Variants in CDH18 observed in about 807,000 individuals in gnomAD.
The protein encoded by CDH18 is cadherin 18.
A neutral mutation model predicts 67.9 loss-of-function variants in CDH18; 31 were observed. The observed-to-expected ratio is 0.46, with a 90% CI of 0.34 to 0.62. The LOEUF (loss-of-function observed/expected upper bound fraction) is 0.62. Among genes scored for constraint, CDH18 ranks in the 20% least tolerant of loss-of-function variants. The pLI, the probability that CDH18 is intolerant of heterozygous loss-of-function variation, is 0.01. For synonymous variants in CDH18, 362 were observed against 347.2 expected (o/e 1.04, Z -0.48); for missense variants, 890 against 975.5 (o/e 0.91, Z 1.17).
intron 1 of CDH18, among the ~76,000 whole-genome samples, chr5:20,462,606 T>C (rs190776928): frequency 2.6e-4 from 40 of 152,318 alleles, no homozygotes; most frequent in Admixed American, 7.2e-4. Flanking sequence ...TCATTTTTTA[T>C]CCCATATATA....
At chr5:19,836,406 C>A (rs1174290316) in intron 3 of CDH18, among the ~76,000 whole-genome samples, 2 of 152,136 alleles carry the variant, frequency 1.3e-5, no homozygotes, top group Non-Finnish European at 1.5e-5. Flanking sequence ...ATTTGCATTT[C>A]TCTAATGTCC....
chr5:20,233,038 C>T (rs930390063), intron 2 of CDH18, among the ~76,000 whole-genome samples: 2 of 151,694 alleles, frequency 1.3e-5, no homozygotes, highest in African/African-American at 4.8e-5. Flanking sequence ...GTTAAAAATC[C>T]TGAAGTTAAT....
intron 2 of CDH18, among the ~76,000 whole-genome samples, chr5:20,174,988 T>C (rs1737119678): frequency 6.6e-6 from 1 of 152,304 alleles, no homozygotes; most frequent in African/African-American, 2.4e-5. Flanking sequence ...ATCTTTCTTT[T>C]ATCTACCGAA....
At chr5:20,303,605 G>A (rs1431666259) in intron 1 of CDH18, among the ~76,000 whole-genome samples, 6 of 152,066 alleles carry the variant, frequency 3.9e-5, no homozygotes, top group East Asian at 1.9e-4. Context: ...CTCACACGTC[G>A]GCTGAGCCCA....
chr5:20,248,850 T>C (rs1446641303), intron 2 of CDH18, among the ~76,000 whole-genome samples: 3 of 152,252 alleles, frequency 2.0e-5, no homozygotes, highest in Non-Finnish European at 2.9e-5. Flanking sequence ...ATCACACCTA[T>C]ATCACAGTGT....
At chr5:19,666,226 C>G (rs1296941476) in intron 5 of CDH18, among the ~76,000 whole-genome samples, 1 of 141,614 alleles carries the variant, frequency 7.1e-6, no homozygotes, top group East Asian at 2.1e-4. Flanking sequence ...TGTCCCCACG[C>G]CTGTATGATT....
intron 1 of CDH18, among the ~76,000 whole-genome samples, chr5:20,386,749 T>A (rs1744343542): frequency 6.6e-6 from 1 of 152,036 alleles, no homozygotes; most frequent in Non-Finnish European, 1.5e-5. Flanking sequence ...CTCATATGAG[T>A]CTTCTTTTCA....
chr5:20,009,131 C>T (rs780278474), intron 2 of CDH18, among the ~76,000 whole-genome samples: 10 of 151,980 alleles, frequency 6.6e-5, no homozygotes, highest in African/African-American at 7.2e-5. Flanking sequence ...GTATACAGGA[C>T]GAAGGACAAA....
At chr5:19,843,680 CA>C (rs1260057630) in intron 2 of CDH18, among the ~76,000 whole-genome samples, 1 of 152,138 alleles carries the variant, frequency 6.6e-6, no homozygotes. Flanking sequence ...CACTGTGCAT[CA>C]AAAAAGCTAA....
chr5:19,590,217 C>A (rs572222012), intron 7 of CDH18, among the ~76,000 whole-genome samples: 1 of 151,850 alleles, frequency 6.6e-6, no homozygotes, highest in African/African-American at 2.4e-5. Flanking sequence ...ATCCCCTTGA[C>A]CTAGGTTTGA....
intron 3 of CDH18, among the ~76,000 whole-genome samples, chr5:19,788,582 T>C (rs1405443770): frequency 6.6e-6 from 1 of 152,190 alleles, no homozygotes; most frequent in Non-Finnish European, 1.5e-5. Flanking sequence ...ATCCATCTCA[T>C]ATGTCCTATT....
intron 5 of CDH18, among the ~76,000 whole-genome samples, chr5:19,695,206 T>C (rs1762389125): frequency 6.6e-6 from 1 of 152,138 alleles, no homozygotes; most frequent in Admixed American, 6.6e-5. Context: ...AATAATGCAG[T>C]AATTTGCTGG....
intron 9 of CDH18, among the ~76,000 whole-genome samples, chr5:19,526,888 A>C (rs1345768059): frequency 6.6e-6 from 1 of 151,964 alleles, no homozygotes; most frequent in Non-Finnish European, 1.5e-5. Flanking sequence ...CTATAATAAA[A>C]ATTTACAGGG....
At chr5:19,973,034 G>A (rs1798174235) in intron 2 of CDH18, among the ~76,000 whole-genome samples, 2 of 151,770 alleles carry the variant, frequency 1.3e-5, no homozygotes, top group African/African-American at 4.8e-5. Context: ...TGGCACAAAA[G>A]CCTTTCAGTA....
rs34631530 is a variant in CDH18 at position 19,638,977 on chromosome 5, GTTTTTTTTTTTTT to G, written c.644-26389_644-26377del. ...GATCGCTGGGAAGTTTTTTGTTGCTGTTTTTTTTTTTTTTTTTTTTTTTTTTTGTTTGTTTTTT... is the reference window on the plus strand; with the variant it reads ...GATCGCTGGGAAGTTTTTTGTTGCTGTTTTTTTTTTTTTTGTTTGTTTTTT... On this transcript the variant is annotated intron_variant, in intron 5 of 12. Coordinates refer to ENST00000382275, the MANE Select transcript of CDH18 (RefSeq NM_004934.5). Among the ~76,000 whole-genome samples, 523 of 54,736 alleles carry G rather than the reference GTTTTTTTTTTTTT, an allele frequency of 9.6e-3. 4 individuals carry two copies. Among genetic ancestry groups the G allele is most frequent in the African/African-American group, 0.026 (502 of 19,150 alleles). The allele number at this position is 54,736 out of a possible 152,430, so 35.9% of individuals were successfully genotyped here.
Position 20,212,713 on chromosome 5 carries a change from A to C in CDH18, c.-518+42731T>G, listed in dbSNP as rs74869549. Among the ~76,000 whole-genome samples the C allele has an allele frequency of 2.0e-5, 3 of 152,004 alleles. No individual in the cohort carries two copies. The South Asian group carries it at 6.2e-4, about 32-fold the overall frequency. On this transcript the variant is annotated intron_variant, in intron 2 of 14. Coordinates refer to the CDH18 transcript ENST00000507958. ...TGAAGGTTAGAAAAGAAAAAAAAAA[A>C]CATATCTTAAATTTTAAAATACTCT... is the stretch of plus-strand genomic sequence containing the variant.
intron 5 of CDH18, among the ~76,000 whole-genome samples, chr5:19,646,247 G>T (rs1386073430): frequency 2.6e-5 from 4 of 151,806 alleles, no homozygotes; most frequent in African/African-American, 9.7e-5. Flanking sequence ...TACCGAGATG[G>T]GTAAGACTGG....
chr5:20,488,724 A>C (rs1002308111), intron 1 of CDH18, among the ~76,000 whole-genome samples: 1 of 144,452 alleles, frequency 6.9e-6, no homozygotes, highest in African/African-American at 2.5e-5. Flanking sequence ...ATTGTTTATC[A>C]ATAAAATTCC....
At chr5:20,226,155 G>A (rs1417682184) in intron 2 of CDH18, among the ~76,000 whole-genome samples, 1 of 151,966 alleles carries the variant, frequency 6.6e-6, no homozygotes, top group Non-Finnish European at 1.5e-5. Context: ...TTTTTAAAAA[G>A]CAAGATCTAC....
Sources: allele counts gnomAD v4.1 joint callset (sites outside exome capture counted in the v4.1 genomes callset), GRCh38; gene constraint gnomAD v4.1.1; transcripts MANE v1.5; gene names NCBI Gene and HGNC (gene_info 2026-07-23, HGNC 2026-07-21).